The following SPSB1 variants were observed in gnomAD, a reference collection of about 807,000 sequenced individuals.
The protein encoded by SPSB1 is SPRY domain-containing SOCS box protein 1.
A neutral mutation model predicts 21.2 loss-of-function variants in SPSB1; 8 were observed. That is an observed-to-expected ratio of 0.38 (90% CI 0.22 to 0.68). The LOEUF (loss-of-function observed/expected upper bound fraction) is 0.68. Ranked by LOEUF, SPSB1 falls within the 30% of genes least tolerant of loss-of-function variation. The pLI is 0.53. For synonymous variants in SPSB1, 169 were observed against 161.7 expected, an observed-to-expected ratio of 1.05 and a Z score of -0.34; for missense variants, 242 against 377.8, an observed-to-expected ratio of 0.64 and a Z score of 2.98.
At chr1:9,343,969 A>T (rs1403143723) in intron 1 of SPSB1, among the ~76,000 whole-genome samples, 3 of 151,848 alleles carry the variant, frequency 2.0e-5, no homozygotes, top group Admixed American at 6.6e-5. Flanking sequence ...GTATTTTTAA[A>T]AGTAGAGATG....
chr1:9,347,135 ATAGTGAGACCCTGTCTCTT>A (rs1279949888), intron 1 of SPSB1, among the ~76,000 whole-genome samples: 2 of 152,214 alleles, frequency 1.3e-5, no homozygotes, highest in African/African-American at 2.4e-5. Context: ...CCTGGGCAAC[ATAGTGAGACCCTGTCTCTT>A]TAAAAGAAAA....
intron 1 of SPSB1, among the ~76,000 whole-genome samples, chr1:9,307,831 C>T (rs1407067620): frequency 6.6e-6 from 1 of 152,196 alleles, no homozygotes; most frequent in Non-Finnish European, 1.5e-5. Flanking sequence ...ATTGCTATTA[C>T]GGTGAATTTG....
chr1:9,363,659 T>C lies in SPSB1; in HGVS notation c.695-3789T>C, dbSNP rs1640512592. The stretch of plus-strand genomic sequence containing the variant: ...GTGTCAGCCACTCAAAATAAGGCAC[T>C]GGATGGAGCTGGGGGCTCATGTGGG... On this transcript the variant is annotated intron_variant, in intron 2 of 2. Coordinates refer to ENST00000328089, the MANE Select transcript of SPSB1 (RefSeq NM_025106.4). The surrounding 1 kb of genome is among the most constrained non-coding windows in gnomAD (Gnocchi z 4.5). Among the ~76,000 whole-genome samples the C allele has an allele frequency of 6.6e-6, 1 of 152,042 alleles. No homozygotes were observed. The highest frequency in any genetic ancestry group is 2.1e-4 in the South Asian group (1 of 4,826).
intron 1 of SPSB1, among the ~76,000 whole-genome samples, chr1:9,311,909 G>A (rs2100471955): frequency 6.6e-6 from 1 of 152,308 alleles, no homozygotes; most frequent in Admixed American, 6.5e-5. Flanking sequence ...ACAAAGCAGG[G>A]AAATGGGACT....
intron 1 of SPSB1, among the ~76,000 whole-genome samples, chr1:9,320,444 G>A (rs1213935367): frequency 8.6e-5 from 13 of 152,030 alleles, no homozygotes; most frequent in Non-Finnish European, 1.9e-4. Flanking sequence ...CCCCATCTCC[G>A]CCATTTGATT....
In SPSB1 at chr1:9,321,258, C is replaced by T. The variant is rs1303788882; in HGVS notation, c.-150+28187C>T. On this transcript the variant is annotated intron_variant, in intron 1 of 2. Transcript: ENST00000328089. This position sits in a 1 kb window ranked among gnomAD's most constrained non-coding sequence, Gnocchi z 4.8. ...ATTCTTGGGGCTTAGCTGACTCCTT[C>T]GAGCGTCGAGTTTCTGGGTTGATGG... Among the ~76,000 whole-genome samples the T allele has an allele frequency of 1.3e-5, 2 of 152,152 alleles. No homozygotes were observed. The highest frequency in any genetic ancestry group is 2.9e-5 in the Non-Finnish European group (2 of 68,026).
chr1:9,338,232 T>C (rs996634379), intron 1 of SPSB1, among the ~76,000 whole-genome samples: 19 of 152,236 alleles, frequency 1.2e-4, no homozygotes, highest in African/African-American at 4.6e-4. Context: ...CTTCTGCTCA[T>C]GGAGACCTGG....
rs1036918307 is a variant in SPSB1, at chr1:9,348,999, AGTG to A, written c.-149-6739_-149-6737del. On this transcript the variant is annotated intron_variant, in intron 1 of 2. Coordinates refer to ENST00000328089, the MANE Select transcript of SPSB1 (RefSeq NM_025106.4). The surrounding 1 kb of genome is among the most constrained non-coding windows in gnomAD (Gnocchi z 4.8). ...TGTGTGCACGTGCATGTGTGTGTGT[AGTG>A]GTGGGGTATTCCTCCCACTGGGAGA... Among the ~76,000 whole-genome samples the A allele has an allele frequency of 2.0e-5, 3 of 151,802 alleles. No individual in the cohort carries two copies. Among genetic ancestry groups the A allele is most frequent in the Non-Finnish European group, 4.4e-5 (3 of 67,944 alleles).
rs371377006 is a variant in SPSB1, at chr1:9,345,207, G to A, written c.-149-10536G>A. 5.3e-5 allele frequency among the ~76,000 whole-genome samples: 8 copies of A among 152,126 alleles called. No individual in the cohort carries two copies. Among genetic ancestry groups the A allele is most frequent in the South Asian group, 2.1e-4 (1 of 4,820 alleles). On this transcript the variant is annotated intron_variant, in intron 1 of 2. Transcript: ENST00000328089. The surrounding 1 kb of genome is among the most constrained non-coding windows in gnomAD (Gnocchi z 4.8). ...CTGATCCACCCTGCCTCAAGCCCCC[G>A]TCTCCTGCCTTCTGGGGAGCTGCTG...
At chr1:9,361,165 T>TTTTTTTTTTTTTCTTTTTC (rs1640470141) in intron 2 of SPSB1, among the ~76,000 whole-genome samples, 2 of 140,254 alleles carry the variant, frequency 1.4e-5, no homozygotes, top group Admixed American at 7.0e-5. Flanking sequence ...TCTTTTTTTT[T>TTTTTTTTTTTTTCTTTTTC]TTTTTTTTTT....
intron 1 of SPSB1, among the ~76,000 whole-genome samples, chr1:9,334,464 G>A (rs1311337430): frequency 2.6e-5 from 4 of 152,150 alleles, no homozygotes; most frequent in South Asian, 2.1e-4. Context: ...CAAGTGATCC[G>A]CCTGCCTTGG....
intron 1 of SPSB1, among the ~76,000 whole-genome samples, chr1:9,308,418 T>G (rs942896898): frequency 6.6e-6 from 1 of 152,148 alleles, no homozygotes; most frequent in African/African-American, 2.4e-5. Context: ...AGAAAGCAGA[T>G]GGGTGGGGTT....
At chr1:9,359,721 A>AAAAG (rs1640434557) in intron 2 of SPSB1, among the ~76,000 whole-genome samples, 4 of 149,804 alleles carry the variant, frequency 2.7e-5, no homozygotes, top group Non-Finnish European at 3.0e-5. Flanking sequence ...AAAAAAAAAA[A>AAAAG]GTATCATTCT....
chr1:9,340,496 G>A (rs919153721), intron 1 of SPSB1, among the ~76,000 whole-genome samples: 3 of 152,244 alleles, frequency 2.0e-5, no homozygotes, highest in South Asian at 2.1e-4. Flanking sequence ...GAAAAGAGGC[G>A]CTTTTGATAT....
intron 2 of SPSB1, among the ~76,000 whole-genome samples, chr1:9,358,860 G>T (rs979213004): frequency 2.6e-5 from 4 of 152,190 alleles, no homozygotes; most frequent in Non-Finnish European, 5.9e-5. Context: ...GCTGGGAGGG[G>T]ACTGGAGCCT....
rs619224 is a variant in SPSB1 at position 9,351,037 on chromosome 1, C to T, written c.-149-4706C>T. Among the ~76,000 whole-genome samples, 419 of 152,346 alleles carry T rather than the reference C, an allele frequency of 2.8e-3. 1 individual carries two copies. The highest frequency in any genetic ancestry group is 9.1e-3 in the African/African-American group (377 of 41,576). On this transcript the variant is annotated intron_variant, in intron 1 of 2. Coordinates refer to ENST00000328089, the MANE Select transcript of SPSB1 (RefSeq NM_025106.4). ...GGTGGTACACACCCCCTGTCCTGAG[C>T]GCCATGTCCAGGAATTGTGATGATG...
chr1:9,297,867 G>T (rs1355238193), intron 1 of SPSB1, among the ~76,000 whole-genome samples: 1 of 152,190 alleles, frequency 6.6e-6, no homozygotes, highest in African/African-American at 2.4e-5. Flanking sequence ...CACTGGGAAG[G>T]TTCAGAAGAC....
At chr1:9,347,072 C>T (rs1157871175) in intron 1 of SPSB1, among the ~76,000 whole-genome samples, 2 of 152,202 alleles carry the variant, frequency 1.3e-5, no homozygotes, top group Admixed American at 1.3e-4. Flanking sequence ...TATCCGAGCA[C>T]TTTGGGTGGC....
Position 9,355,920 on chromosome 1 carries a change from A to C in SPSB1, c.29A>C (p.Lys10Thr). 6.2e-7 allele frequency: 1 copy of C among 1,601,418 alleles called. No homozygotes were observed. Among genetic ancestry groups the C allele is most frequent in the Admixed American group, 1.7e-5 (1 of 58,528 alleles). ...GGTCAGAAGGTCACTGGAGGGATCA[A>C]GACTGTGGACATGAGGGACCCCACG... MGQKVTGGI[K>T]TVDMRDPTYR... The change falls in exon 2 of 3, where the codon AAG becomes ACG. Residue 10 changes from lysine to threonine, a missense_variant. By Grantham distance (78) the Lys-to-Thr change is moderately conservative (BLOSUM62 -1). Transcript: ENST00000328089.
Sources: allele counts gnomAD v4.1 joint callset (sites outside exome capture counted in the v4.1 genomes callset), GRCh38; gene constraint gnomAD v4.1.1; non-coding constraint Gnocchi (gnomAD v3.1); transcripts MANE v1.5; gene names NCBI Gene and HGNC (gene_info 2026-07-23, HGNC 2026-07-21).